The following FNDC3A variants were observed in gnomAD, a reference collection of about 807,000 sequenced individuals.
FNDC3A encodes the protein fibronectin type III domain containing 3A.
FNDC3A carries 32 observed loss-of-function variants against 148.9 expected under a neutral mutation model. The observed-to-expected ratio is 0.21, with a 90% CI of 0.16 to 0.29. FNDC3A has a LOEUF of 0.29. FNDC3A is among the 10% of genes least tolerant of loss of function. FNDC3A has a pLI of 1.00. For missense variants in FNDC3A, 1,191 were observed against 1,452.8 expected (o/e 0.82, Z 2.93); for synonymous variants, 472 against 473.6 (o/e 1.00, Z 0.04).
intron 3 of FNDC3A, among the ~76,000 whole-genome samples, chr13:49,079,753 GA>G (rs149222840): frequency 2.6e-5 from 4 of 151,546 alleles, no homozygotes; most frequent in African/African-American, 9.7e-5. Context: ...CTATAAAAAG[GA>G]AAAAAAAGGT....
At chr13:48,982,468 C>G (rs752081899) in intron 1 of FNDC3A, among the ~76,000 whole-genome samples, 1 of 152,018 alleles carries the variant, frequency 6.6e-6, no homozygotes, top group Non-Finnish European at 1.5e-5. Flanking sequence ...ATAGTATGTT[C>G]GCATTTTTGT....
chr13:49,138,817 AT>A lies in FNDC3A; in HGVS notation c.819+13del, dbSNP rs1290121602. 3 of 1,380,390 alleles carry A rather than the reference AT, an allele frequency of 2.2e-6. No homozygotes were observed. In the African/African-American group the frequency reaches 4.3e-5, roughly 20 times the overall value. 85.5% of individuals were successfully genotyped at this position (1,380,390 alleles called of 1,614,324 possible). A position where few individuals can be genotyped will look rare whatever the true frequency, so the allele number is the denominator to read the frequency against. On this transcript the variant is annotated intron_variant, in intron 7 of 25. Transcript: ENST00000492622. ...TTGTCAAACCAGTGGTAAGTATCTT[AT>A]GTATTTTATTGATGTTTATATTTAA... is the stretch of plus-strand genomic sequence containing the variant.
chr13:48,975,860 C>T (rs1412021042), upstream of FNDC3A: 59 of 151,530 alleles, frequency 3.9e-4, no homozygotes, highest in Non-Finnish European at 5.9e-5. Flanking sequence ...GCCGCGGGCT[C>T]CGTCGGCGGG....
intron 3 of FNDC3A, among the ~76,000 whole-genome samples, chr13:49,099,729 G>A (rs1879747613): frequency 6.6e-6 from 1 of 152,052 alleles, no homozygotes; most frequent in South Asian, 2.1e-4. Context: ...AGTGAGATTT[G>A]TAAAAATATG....
intron 1 of FNDC3A, among the ~76,000 whole-genome samples, chr13:48,986,597 C>A (rs753671878): frequency 6.6e-6 from 1 of 151,714 alleles, no homozygotes; most frequent in Non-Finnish European, 1.5e-5. Flanking sequence ...GGGGTTTCAC[C>A]ATGTTGGTCA....
intron 3 of FNDC3A, among the ~76,000 whole-genome samples, chr13:49,097,334 G>A: frequency 6.7e-6 from 1 of 150,190 alleles, no homozygotes; most frequent in Non-Finnish European, 1.5e-5. Flanking sequence ...AAAAAACTTA[G>A]AATGAGGGAA....
At chr13:49,108,103 T>C (rs1880316572) in intron 3 of FNDC3A, among the ~76,000 whole-genome samples, 1 of 152,084 alleles carries the variant, frequency 6.6e-6, no homozygotes, top group Non-Finnish European at 1.5e-5. Flanking sequence ...AAAGATGAGA[T>C]AGTGGAGTTC....
chr13:49,122,272 C>T (rs1191383185), intron 4 of FNDC3A, among the ~76,000 whole-genome samples: 2 of 152,072 alleles, frequency 1.3e-5, no homozygotes, highest in East Asian at 3.9e-4. Context: ...TCAATAGACA[C>T]AGAAAAGGCC....
At chr13:48,977,724 A>G (rs1324047418) in intron 1 of FNDC3A, among the ~76,000 whole-genome samples, 1 of 152,176 alleles carries the variant, frequency 6.6e-6, no homozygotes, top group African/African-American at 2.4e-5. Context: ...CTTTCTAATC[A>G]CACCAGTTAG....
intron 2 of FNDC3A, among the ~76,000 whole-genome samples, chr13:49,013,519 C>T (rs566721749): frequency 2.7e-4 from 41 of 150,954 alleles, no homozygotes; most frequent in East Asian, 5.9e-4. Flanking sequence ...CATATGTACA[C>T]GTGTATACAT....
intron 2 of FNDC3A, among the ~76,000 whole-genome samples, chr13:49,059,504 G>A (rs964123662): frequency 6.6e-6 from 1 of 152,204 alleles, no homozygotes; most frequent in Non-Finnish European, 1.5e-5. Flanking sequence ...TGCTCAGGCT[G>A]GAGTGCAGTG....
intron 2 of FNDC3A, among the ~76,000 whole-genome samples, chr13:49,050,073 C>G (rs1415125854): frequency 1.3e-5 from 2 of 152,144 alleles, no homozygotes; most frequent in Admixed American, 1.3e-4. Context: ...TTTTATTTAT[C>G]TTTTCAAAGA....
At chr13:49,078,018 C>A in intron 3 of FNDC3A, among the ~76,000 whole-genome samples, 1 of 152,148 alleles carries the variant, frequency 6.6e-6, no homozygotes, top group Non-Finnish European at 1.5e-5. Context: ...GAGCACACAT[C>A]TAGGTTTGTA....
At chr13:49,056,151 C>T (rs1593525766) in intron 2 of FNDC3A, among the ~76,000 whole-genome samples, 2 of 151,778 alleles carry the variant, frequency 1.3e-5, no homozygotes, top group Admixed American at 6.6e-5. Context: ...CATGTCACTG[C>T]ACTCCAGCCT....
At chr13:49,200,998 C>A (rs1185887882) in intron 23 of FNDC3A, 2 of 154,434 alleles carry the variant, frequency 1.3e-5, no homozygotes, top group African/African-American at 2.4e-5. Flanking sequence ...CAAGGCTTAT[C>A]CAATTACTGC....
rs1427292348 is a variant in FNDC3A at position 49,167,320 on chromosome 13, G to C, written c.1037+17G>C. 1 of 1,535,306 alleles carries C rather than the reference G, an allele frequency of 6.5e-7. No homozygotes were observed. The highest frequency in any genetic ancestry group is 8.9e-7 in the Non-Finnish European group (1 of 1,118,860). ...CCATGCAAAGTAAGGAATTCCTACA[G>C]ATTGCCTTTATAAGATACAGCATAA... On this transcript the variant is annotated intron_variant, in intron 9 of 25. Transcript: ENST00000492622.
chr13:49,064,401 G>GGC (rs1208279185), intron 2 of FNDC3A, among the ~76,000 whole-genome samples: 1,285 of 60,820 alleles, frequency 0.021, 39 homozygotes, highest in African/African-American at 0.065. Context: ...ATTGCCCCCC[G>GGC]CCCCCCCCCC....
intron 8 of FNDC3A, 117 bp from the exon 9 acceptor site, chr13:49,167,127 A>G: frequency 1.8e-6 from 1 of 560,716 alleles, no homozygotes; most frequent in Non-Finnish European, 3.1e-6. Context: ...GAATACAGTT[A>G]CAGTTGGTAA....
At chr13:49,187,874 C>T (rs1167053743) in intron 16 of FNDC3A, among the ~76,000 whole-genome samples, 2 of 151,834 alleles carry the variant, frequency 1.3e-5, no homozygotes, top group African/African-American at 4.8e-5. Context: ...TGTATCGTTG[C>T]ATTTACATGT....
Sources: gnomAD v4.1 joint callset for allele counts (sites outside exome capture counted in the v4.1 genomes callset) on GRCh38, gnomAD v4.1.1 for gene constraint, MANE v1.5 for transcripts, NCBI Gene and HGNC (gene_info 2026-07-23, HGNC 2026-07-21) for gene names.